DCDC2C: variants seen among roughly 807,000 people sequenced by gnomAD.
The protein encoded by DCDC2C is doublecortin domain containing 2C.
A neutral mutation model predicts 45.0 loss-of-function variants in DCDC2C; 44 were observed. The observed-to-expected ratio is 0.98, with a 90% CI of 0.77 to 1.26. DCDC2C has a LOEUF of 1.26. DCDC2C is among the 50% of genes most tolerant of loss of function. The probability of loss-of-function intolerance (pLI) is 0.00; values close to 1 mark genes in which losing one functional copy is unlikely to be tolerated. For missense variants in DCDC2C, 447 were observed against 468.9 expected, an observed-to-expected ratio of 0.95 and a Z score of 0.43; for synonymous variants, 187 against 178.8, an observed-to-expected ratio of 1.05 and a Z score of -0.37.
chr2:3,718,794 A>C (rs1668416679), intron 2 of DCDC2C, among the ~76,000 whole-genome samples: 1 of 152,128 alleles, frequency 6.6e-6, no homozygotes, highest in African/African-American at 2.4e-5. Context: ...GAAGCCACGG[A>C]CCTTTGCAGT....
At chr2:3,747,331 G>C (rs1572581641) in intron 4 of DCDC2C, among the ~76,000 whole-genome samples, 2 of 152,342 alleles carry the variant, frequency 1.3e-5, no homozygotes, top group Admixed American at 1.3e-4. Flanking sequence ...CAGCATCCGT[G>C]ATGTAGGCGA....
intron 10 of DCDC2C, among the ~76,000 whole-genome samples, chr2:3,813,371 A>C (rs1671467764): frequency 1.3e-5 from 2 of 152,052 alleles, no homozygotes. Flanking sequence ...CTGGCCAAAG[A>C]ATGTATATTC....
At chr2:3,723,666 A>G (rs571543288) in intron 2 of DCDC2C, among the ~76,000 whole-genome samples, 16 of 152,088 alleles carry the variant, frequency 1.1e-4, no homozygotes, top group African/African-American at 3.9e-4. Context: ...TTTGCTTGCC[A>G]TGAGGGAAGG....
intron 3 of DCDC2C, among the ~76,000 whole-genome samples, chr2:3,732,115 A>C (rs1031697842): frequency 3.3e-5 from 5 of 152,130 alleles, no homozygotes; most frequent in Non-Finnish European, 7.4e-5. Flanking sequence ...GGAAACAGGG[A>C]GGGCCCAGTG....
At chr2:3,762,621 A>G (rs1416219343) in intron 6 of DCDC2C, among the ~76,000 whole-genome samples, 1 of 151,998 alleles carries the variant, frequency 6.6e-6, no homozygotes, top group Non-Finnish European at 1.5e-5. Flanking sequence ...CCACACACTT[A>G]ACCTGATCTC....
rs149546405 is a variant in DCDC2C at position 3,765,182 on chromosome 2, T to C, written c.727-2572T>C. Among the ~76,000 whole-genome samples, 710 of 152,292 alleles carry C rather than the reference T, an allele frequency of 4.7e-3. 2 individuals are homozygous for C. The highest frequency in any genetic ancestry group is 7.4e-3 in the Non-Finnish European group (502 of 68,012). Reference sequence around the variant, plus strand: ...CTGCATTTTCTTGTATGAAGAAATGTCAGATTTTCAACTCTTCTTTCCCTA... The same window carrying C: ...CTGCATTTTCTTGTATGAAGAAATGCCAGATTTTCAACTCTTCTTTCCCTA... On this transcript the variant is annotated intron_variant, in intron 6 of 10. Coordinates refer to ENST00000399143, the MANE Select transcript of DCDC2C (RefSeq NM_001287444.2).
intron 10 of DCDC2C, among the ~76,000 whole-genome samples, chr2:3,798,143 T>C (rs1213718119): frequency 2.6e-5 from 4 of 152,030 alleles, no homozygotes; most frequent in South Asian, 2.1e-4. Context: ...TTTGTCTCTT[T>C]TGATCTTTGT....
intron 10 of DCDC2C, among the ~76,000 whole-genome samples, chr2:3,843,716 A>G (rs1361218801): frequency 1.3e-5 from 2 of 152,166 alleles, no homozygotes; most frequent in African/African-American, 4.8e-5. Flanking sequence ...CATTTTACTA[A>G]AAATGCCTTT....
intron 10 of DCDC2C, among the ~76,000 whole-genome samples, chr2:3,827,261 C>T (rs1671845068): frequency 6.6e-6 from 1 of 152,132 alleles, no homozygotes; most frequent in Admixed American, 6.5e-5. Context: ...GACATCTGGG[C>T]CTTGTTGGAC....
At chr2:3,797,815 G>A (rs932211983) in intron 10 of DCDC2C, among the ~76,000 whole-genome samples, 2 of 151,296 alleles carry the variant, frequency 1.3e-5, no homozygotes, top group Non-Finnish European at 2.9e-5. Flanking sequence ...TGAAATAGGT[G>A]TGGTGTGGTG....
At chr2:3,816,849 A>C (rs1053530131) in intron 10 of DCDC2C, among the ~76,000 whole-genome samples, 1 of 152,128 alleles carries the variant, frequency 6.6e-6, no homozygotes, top group African/African-American at 2.4e-5. Flanking sequence ...ATCCCTGAGG[A>C]GTAGTAGAAT....
rs925120927 is a variant in DCDC2C, at chr2:3,703,725, C to T, written c.-27C>T. The T allele has an allele frequency of 2.4e-6, 3 of 1,228,188 alleles. No homozygotes were observed. The allele number at this position is 1,228,188 out of a possible 1,614,324, so 76.1% of individuals were successfully genotyped here. A position where few individuals can be genotyped will look rare whatever the true frequency, so the allele number is the denominator to read the frequency against. On this transcript the variant is annotated 5_prime_UTR_variant, in exon 1 of 11. Coordinates refer to ENST00000399143, the MANE Select transcript of DCDC2C (RefSeq NM_001287444.2). The surrounding 1 kb of genome is among the most constrained non-coding windows in gnomAD (Gnocchi z 4.4). ...CCCGCGCTGCCGCAGCCTCTCGGCCCCGGCGAGCGAGGAGCGGGGCGCGGC... is the reference window on the plus strand; with the variant it reads ...CCCGCGCTGCCGCAGCCTCTCGGCCTCGGCGAGCGAGGAGCGGGGCGCGGC...
intron 2 of DCDC2C, among the ~76,000 whole-genome samples, chr2:3,719,284 A>C (rs973002558): frequency 2.4e-4 from 36 of 151,924 alleles, no homozygotes; most frequent in Non-Finnish European, 1.0e-4. Flanking sequence ...ATGGTGTTTC[A>C]CCATGTTAGC....
chr2:3,778,298 G>C (rs1007951483), intron 8 of DCDC2C, among the ~76,000 whole-genome samples: 3 of 152,196 alleles, frequency 2.0e-5, no homozygotes, highest in African/African-American at 7.2e-5. Context: ...GTTGGTCCTG[G>C]AGAGTCTTTT....
At chr2:3,748,132 G>A (rs988448708) in intron 4 of DCDC2C, among the ~76,000 whole-genome samples, 12 of 152,140 alleles carry the variant, frequency 7.9e-5, no homozygotes, top group African/African-American at 4.8e-5. Flanking sequence ...TGCAGACCTC[G>A]CTGAGAGGTT....
At position 3,738,539 on chromosome 2, in the gene DCDC2C, G is replaced by GAAAAAAAAA. The variant is rs752819998; in HGVS notation, c.417-3381_417-3380insAAAAAAAAA. On this transcript the variant is annotated intron_variant, in intron 3 of 10. Transcript: ENST00000399143. ...TACATTTTTTCTGCTGGTCTATCTG[G>GAAAAAAAAA]GAAAAAAAAAAAAAAAAAAAAAAAA... Among the ~76,000 whole-genome samples, 3 of 55,248 alleles carry GAAAAAAAAA rather than the reference G, an allele frequency of 5.4e-5. 1 individual carries two copies. Among genetic ancestry groups the GAAAAAAAAA allele is most frequent in the Non-Finnish European group, 3.2e-5 (1 of 30,850 alleles). 36.2% of individuals were successfully genotyped at this position (55,248 alleles called of 152,430 possible). A position where few individuals can be genotyped will look rare whatever the true frequency, so the allele number is the denominator to read the frequency against.
chr2:3,714,931 C>T (rs943796611), intron 2 of DCDC2C, among the ~76,000 whole-genome samples: 1 of 152,004 alleles, frequency 6.6e-6, no homozygotes, highest in African/African-American at 2.4e-5. Context: ...AAAAAAGTAC[C>T]CTATAATTCA....
rs58712541 is a variant in DCDC2C, at chr2:3,792,441, G to T, written c.1065+7341G>T. Among the ~76,000 whole-genome samples, 525 of 152,188 alleles carry T rather than the reference G, an allele frequency of 3.4e-3. 9 individuals are homozygous for T. The highest frequency in any genetic ancestry group is 0.012 in the African/African-American group (503 of 41,514). On this transcript the variant is annotated intron_variant, in intron 10 of 10. Coordinates refer to ENST00000399143, the MANE Select transcript of DCDC2C (RefSeq NM_001287444.2). ...GCACAAGCCATTGTAGTCACAAAAGGAAAGTATTTTATTTGTATTTACTTG... is the reference window on the plus strand; with the variant it reads ...GCACAAGCCATTGTAGTCACAAAAGTAAAGTATTTTATTTGTATTTACTTG...
chr2:3,836,202 T>C (rs910231190), intron 10 of DCDC2C, among the ~76,000 whole-genome samples: 3 of 152,242 alleles, frequency 2.0e-5, no homozygotes, highest in Admixed American at 6.5e-5. Flanking sequence ...ACTTTATCTC[T>C]GTGGAACTGT....
Sources: gnomAD v4.1 joint callset for allele counts (sites outside exome capture counted in the v4.1 genomes callset) on GRCh38, gnomAD v4.1.1 for gene constraint, Gnocchi (gnomAD v3.1) non-coding constraint, MANE v1.5 for transcripts, NCBI Gene and HGNC (gene_info 2026-07-23, HGNC 2026-07-21) for gene names.